SLC22A17: variants seen among roughly 807,000 people sequenced by gnomAD.
SLC22A17 encodes the protein solute carrier family 22 member 17.
Under a neutral mutation model 53.6 loss-of-function variants are expected in SLC22A17, and 38 were observed. That is an observed-to-expected ratio of 0.71 (90% CI 0.55 to 0.93). SLC22A17 has a LOEUF of 0.93. Ranked by LOEUF, SLC22A17 falls within the 40% of genes least tolerant of loss-of-function variation. SLC22A17 has a pLI of 0.00. For synonymous variants in SLC22A17, 379 were observed against 353.0 expected, an observed-to-expected ratio of 1.07 and a Z score of -0.82; for missense variants, 704 against 791.0, an observed-to-expected ratio of 0.89 and a Z score of 1.32.
chr14:23,352,384 T>G lies in SLC22A17; in HGVS notation c.164A>C (p.Glu55Ala). 1.5e-6 allele frequency: 1 copy of G among 672,206 alleles called. No individual in the cohort carries two copies. The highest frequency in any genetic ancestry group is 2.3e-6 in the Non-Finnish European group (1 of 444,430). 41.6% of individuals were successfully genotyped at this position (672,206 alleles called of 1,614,324 possible). A position where few individuals can be genotyped will look rare whatever the true frequency, so the allele number is the denominator to read the frequency against. ...GTCGCCGCCCGCGTCTCCCTCCCCC[T>G]CCCGCTCGCGCTCCCGCTCACCCTG... Residue 55 changes from glutamate (E) to alanine (A), a missense_variant, in exon 2 of 10, where the codon GAG becomes GCG. By Grantham distance (107) the Glu-to-Ala change is moderately radical (BLOSUM62 -1). This residue lies in a region of SLC22A17 where 42 missense variants were observed against 28.2 expected (regional missense o/e 1.49). Transcript: ENST00000397267. The surrounding 1 kb of genome is among the most constrained non-coding windows in gnomAD (Gnocchi z 7.2).
chr14:23,349,166 T>C (rs1250925844), intron 4 of SLC22A17, 106 bp downstream of exon 4: 3 of 1,444,848 alleles, frequency 2.1e-6, no homozygotes, highest in East Asian at 2.3e-5. Flanking sequence ...ATAGCTGAGA[T>C]TCTAGGCAGC....
At chr14:23,351,907 T>C (rs756278749) in intron 2 of SLC22A17, 41 bp downstream of exon 2, 2 of 1,611,398 alleles carry the variant, frequency 1.2e-6, no homozygotes, top group Non-Finnish European at 1.7e-6. Flanking sequence ...CTCGCCGCTC[T>C]CTGCCCGCCC....
intron 3 of SLC22A17, 117 bp downstream of exon 3, chr14:23,351,635 G>A (rs1889625360): frequency 1.3e-6 from 1 of 763,826 alleles, no homozygotes; most frequent in Non-Finnish European, 2.2e-6. Context: ...TAGAAGTCCA[G>A]AGAAGACTGC....
At position 23,347,069 on chromosome 14, in the gene SLC22A17, G is replaced by C. The variant is rs369979900; in HGVS notation, c.1661+32C>G. 12 of 1,585,192 alleles carry C rather than the reference G, an allele frequency of 7.6e-6. No individual in the cohort carries two copies. Among genetic ancestry groups the C allele is most frequent in the Non-Finnish European group, 1.0e-5 (12 of 1,164,788 alleles). On this transcript the variant is annotated intron_variant, in intron 9 of 9. Coordinates refer to ENST00000397267, the Ensembl canonical transcript of SLC22A17. The surrounding 1 kb of genome is among the most constrained non-coding windows in gnomAD (Gnocchi z 5.1). Reference sequence around the variant, plus strand: ...GGGGGAGCGGGAGGCGAGGGGGCCCGGCTCTGCCCCTGGGGGCACCCCTGC... The same window carrying C: ...GGGGGAGCGGGAGGCGAGGGGGCCCCGCTCTGCCCCTGGGGGCACCCCTGC...
In SLC22A17 at chr14:23,348,356, C is replaced by T. The variant is rs1323205023; in HGVS notation, c.1026-50G>A. 2 of 1,606,964 alleles carry T rather than the reference C, an allele frequency of 1.2e-6. No homozygotes were observed. The highest frequency in any genetic ancestry group is 3.3e-5 in the Admixed American group (2 of 59,754). On this transcript the variant is annotated intron_variant, in intron 5 of 9. Coordinates refer to ENST00000397267, the Ensembl canonical transcript of SLC22A17. The surrounding 1 kb of genome is among the most constrained non-coding windows in gnomAD (Gnocchi z 4.5). The stretch of plus-strand genomic sequence containing the variant: ...ACTGTGAGGCCTCCCTTCTCCTGAT[C>T]TAGGGGTGGGAAATGTGCACCTCTG...
At chr14:23,350,106 C>T (rs943521041) in intron 3 of SLC22A17, among the ~76,000 whole-genome samples, 10 of 152,078 alleles carry the variant, frequency 6.6e-5, no homozygotes, top group Non-Finnish European at 1.0e-4. Context: ...GAGTTCAAGA[C>T]CAGCCTGACA....
At chr14:23,351,700 T>C in intron 3 of SLC22A17, 52 bp downstream of exon 3, 2 of 1,529,436 alleles carry the variant, frequency 1.3e-6, no homozygotes, top group Non-Finnish European at 1.8e-6. Flanking sequence ...TTGGGTTAGC[T>C]TCCCTAGCAC....
chr14:23,347,235 A>G lies in SLC22A17; in HGVS notation c.1550-23T>C. 6.3e-7 allele frequency: 1 copy of G among 1,599,504 alleles called. No homozygotes were observed. The highest frequency in any genetic ancestry group is 8.5e-7 in the Non-Finnish European group (1 of 1,170,132). On this transcript the variant is annotated intron_variant, in intron 8 of 9. Coordinates refer to ENST00000397267, the Ensembl canonical transcript of SLC22A17. This position sits in a 1 kb window ranked among gnomAD's most constrained non-coding sequence, Gnocchi z 5.1. ...GATCTGCAGAAGCAAGAGGGATGAT[A>G]TGAATGCAGGTGGGGAGGTCAAGGC...
At position 23,352,275 on chromosome 14, in the gene SLC22A17, G is replaced by A; in HGVS notation, c.273C>T (p.Gly91=). 1.4e-6 allele frequency: 2 copies of A among 1,414,904 alleles called. No individual in the cohort carries two copies. 87.6% of individuals were successfully genotyped at this position (1,414,904 alleles called of 1,614,324 possible). A position where few individuals can be genotyped will look rare whatever the true frequency, so the allele number is the denominator to read the frequency against. The change falls in exon 2 of 10, where the codon GGC becomes GGT. Residue 91 remains glycine, a synonymous_variant. Transcript: ENST00000397267. This position sits in a 1 kb window ranked among gnomAD's most constrained non-coding sequence, Gnocchi z 7.2. ...GGCCGAGCTGCAGCTGCTGGCCGCC[G>A]CCCAGCGCCCCCACCTGGGCGAGCA...
chr14:23,346,762 C>T, exon 10 of SLC22A17: 1 of 1,544,162 alleles, frequency 6.5e-7, no homozygotes, highest in Non-Finnish European at 8.7e-7. Context: ...GCACCTCGGG[C>T]AGGAGCTTGC....
intron 2 of SLC22A17, 37 bp from the exon 3 acceptor site, chr14:23,351,892 C>G (rs373630736): frequency 7.4e-6 from 12 of 1,611,096 alleles, no homozygotes; most frequent in Non-Finnish European, 8.5e-6. Flanking sequence ...GCGTGAGGCC[C>G]CGCCCTCGCC....
At position 23,348,962 on chromosome 14, in the gene SLC22A17, C is replaced by T. The variant is rs930973883; in HGVS notation, c.860-291G>A. 6.8e-6 allele frequency: 4 copies of T among 589,524 alleles called. No homozygotes were observed. In the East Asian group the frequency reaches 1.1e-4, roughly 17 times the overall value. The allele number at this position is 589,524 out of a possible 1,614,324, so 36.5% of individuals were successfully genotyped here. A position where few individuals can be genotyped will look rare whatever the true frequency, so the allele number is the denominator to read the frequency against. ...CCCATCAGGCCTCTTATTTGACCTT[C>T]ACATCAACCCTTGTCCAAGGTCACA... On this transcript the variant is annotated intron_variant, in intron 4 of 9. Transcript: ENST00000397267. The surrounding 1 kb of genome is among the most constrained non-coding windows in gnomAD (Gnocchi z 4.5).
Position 23,351,741 on chromosome 14 carries a change from A to T in SLC22A17, c.704+11T>A. ...CCTTTCTACCAGCCCTGCCCCCACGACAGCCCTCACCTGTCTGCGGGGTAA... is the reference window on the plus strand; with the variant it reads ...CCTTTCTACCAGCCCTGCCCCCACGTCAGCCCTCACCTGTCTGCGGGGTAA... On this transcript the variant is annotated intron_variant, in intron 3 of 9. Transcript: ENST00000397267. 1.9e-6 allele frequency: 3 copies of T among 1,608,834 alleles called. No homozygotes were observed. Among genetic ancestry groups the T allele is most frequent in the Non-Finnish European group, 2.5e-6 (3 of 1,178,052 alleles).
In SLC22A17 at chr14:23,347,247, G is replaced by C. The variant is rs372199958; in HGVS notation, c.1550-35C>G. 2 of 1,583,604 alleles carry C rather than the reference G, an allele frequency of 1.3e-6. No homozygotes were observed. Among genetic ancestry groups the C allele is most frequent in the Non-Finnish European group, 1.7e-6 (2 of 1,159,172 alleles). On this transcript the variant is annotated intron_variant, in intron 8 of 9. Transcript: ENST00000397267. This position sits in a 1 kb window ranked among gnomAD's most constrained non-coding sequence, Gnocchi z 5.1. ...CAAGAGGGATGATATGAATGCAGGT[G>C]GGGAGGTCAAGGCTGGCCTAGTCCC...
At position 23,352,272 on chromosome 14, in the gene SLC22A17, G is replaced by A; in HGVS notation, c.276C>T (p.Gly92=). The A allele has an allele frequency of 1.4e-6, 2 of 1,415,284 alleles. No homozygotes were observed. Among genetic ancestry groups the A allele is most frequent in the Non-Finnish European group, 9.2e-7 (1 of 1,088,028 alleles). The allele number at this position is 1,415,284 out of a possible 1,614,324, so 87.7% of individuals were successfully genotyped here. A position where few individuals can be genotyped will look rare whatever the true frequency, so the allele number is the denominator to read the frequency against. ...AGAGGCCGAGCTGCAGCTGCTGGCC[G>A]CCGCCCAGCGCCCCCACCTGGGCGA... The change falls in exon 2 of 10, where the codon GGC becomes GGT. Residue 92 remains glycine (G), a synonymous_variant. Coordinates refer to ENST00000397267, the Ensembl canonical transcript of SLC22A17. The surrounding 1 kb of genome is among the most constrained non-coding windows in gnomAD (Gnocchi z 7.2).
intron 3 of SLC22A17, among the ~76,000 whole-genome samples, chr14:23,350,018 T>C (rs1481884822): frequency 2.0e-5 from 3 of 152,124 alleles, no homozygotes; most frequent in Non-Finnish European, 4.4e-5. Flanking sequence ...ACATTAAGAA[T>C]GGTCAGGCTG....
chr14:23,350,950 G>A (rs772354672), intron 3 of SLC22A17: 1 of 152,232 alleles, frequency 6.6e-6, no homozygotes, highest in South Asian at 2.1e-4. Flanking sequence ...TAATCCACTT[G>A]GATGGAACTG....
chr14:23,351,703 C>T (rs958199364), intron 3 of SLC22A17, 49 bp downstream of exon 3: 4 of 1,549,344 alleles, frequency 2.6e-6, no homozygotes, highest in East Asian at 2.3e-5. Flanking sequence ...GGTTAGCTTC[C>T]CTAGCACCCC....
rs199623988 is a variant in SLC22A17, at chr14:23,347,464, G to C, written c.1545C>G (p.Asn515Lys). ...GGCTGTGCCTGTCTGAAGCACCTCT[G>C]TTGGGGTTCCCTTGTTGAGCCCACA... is the stretch of plus-strand genomic sequence containing the variant. The change falls in exon 8 of 10, where the codon AAC becomes AAG. Residue 515 changes from asparagine (N) to lysine (K), a missense_variant. By Grantham distance (94) the Asn-to-Lys change is moderately conservative. This residue lies in a region of SLC22A17 where 435 missense variants were observed against 529.0 expected (regional missense o/e 0.82). Coordinates refer to ENST00000397267, the Ensembl canonical transcript of SLC22A17. This position sits in a 1 kb window ranked among gnomAD's most constrained non-coding sequence, Gnocchi z 5.1. The C allele has an allele frequency of 2.4e-5, 39 of 1,613,680 alleles. No individual in the cohort carries two copies. In the East Asian group the frequency reaches 7.8e-4, roughly 32 times the overall value.
Sources: allele counts gnomAD v4.1 joint callset (sites outside exome capture counted in the v4.1 genomes callset), GRCh38; gene constraint gnomAD v4.1.1; regional missense constraint gnomAD v4.1.1; non-coding constraint Gnocchi (gnomAD v3.1); transcripts MANE v1.5; gene names NCBI Gene and HGNC (gene_info 2026-07-23, HGNC 2026-07-21).